The following ECT2L variants were observed in gnomAD, a reference collection of about 807,000 sequenced individuals.
ECT2L encodes the protein epithelial cell-transforming sequence 2 oncogene-like.
In ECT2L, 126 loss-of-function variants were observed where a neutral mutation model predicts 122.8. The ratio of observed to expected loss-of-function variants is 1.03; its 90% CI spans 0.89 to 1.19. The LOEUF is 1.19. Among genes scored for constraint, ECT2L ranks in the 50% most tolerant of loss-of-function variants. ECT2L has a pLI of 0.00. For missense variants in ECT2L, 1,012 were observed against 1,064.1 expected, an observed-to-expected ratio of 0.95 and a Z score of 0.68; for synonymous variants, 385 against 381.8, an observed-to-expected ratio of 1.01 and a Z score of -0.10.
chr6:138,816,782 G>A (rs1776083340), intron 4 of ECT2L, among the ~76,000 whole-genome samples: 1 of 152,176 alleles, frequency 6.6e-6, no homozygotes, highest in African/African-American at 2.4e-5. Context: ...GCCGCGCCCG[G>A]CCTAAACATC....
intron 20 of ECT2L, among the ~76,000 whole-genome samples, chr6:138,895,923 T>C (rs1779192064): frequency 6.6e-6 from 1 of 152,032 alleles, no homozygotes; most frequent in African/African-American, 2.4e-5. Flanking sequence ...AAATTTAAAA[T>C]AGAGATGAAG....
In ECT2L at chr6:138,862,668, G is replaced by A. The variant is rs1275915752; in HGVS notation, c.1240G>A (p.Gly414Ser). The stretch of plus-strand genomic sequence containing the variant: ...TCTTTCCCAGCTGTCTCAACTAACT[G>A]GCACGTTCTTTACGGCCCCCACTGG... ...EVLSQLSQLT[G>S]TFFTAPTGIA... Residue 414 changes from glycine to serine, a missense_variant, in exon 11 of 22, where the codon GGC becomes AGC. Gly to Ser is a moderately conservative substitution (Grantham distance 56). Coordinates refer to ENST00000541398, the MANE Select transcript of ECT2L (RefSeq NM_001077706.3). The A allele has an allele frequency of 6.2e-7, 1 of 1,614,192 alleles. No individual in the cohort carries two copies. Among genetic ancestry groups the A allele is most frequent in the East Asian group, 2.2e-5 (1 of 44,888 alleles).
chr6:138,842,696 C>T (rs1160211558), intron 5 of ECT2L, among the ~76,000 whole-genome samples: 4 of 151,830 alleles, frequency 2.6e-5, no homozygotes, highest in South Asian at 2.1e-4. Context: ...GGCATGAACC[C>T]GGGAGGCGGA....
At chr6:138,859,662 T>C (rs1245415595) in intron 10 of ECT2L, among the ~76,000 whole-genome samples, 5 of 152,200 alleles carry the variant, frequency 3.3e-5, no homozygotes, top group African/African-American at 1.2e-4. Flanking sequence ...TGTGCTTATT[T>C]GCCATTCTTT....
intron 1 of ECT2L, among the ~76,000 whole-genome samples, chr6:138,808,859 T>A (rs1775799464): frequency 6.6e-6 from 1 of 151,964 alleles, no homozygotes; most frequent in African/African-American, 2.4e-5. Flanking sequence ...CCCGACTAGC[T>A]GGGACTACAG....
chr6:138,811,998 A>G (rs1775918529), intron 1 of ECT2L, among the ~76,000 whole-genome samples: 1 of 152,166 alleles, frequency 6.6e-6, no homozygotes, highest in Admixed American at 6.5e-5. Flanking sequence ...TCAGTGAGCT[A>G]TGATTGCACC....
chr6:138,852,158 T>C (rs1369211393), intron 9 of ECT2L, among the ~76,000 whole-genome samples: 1 of 152,210 alleles, frequency 6.6e-6, no homozygotes, highest in Non-Finnish European at 1.5e-5. Flanking sequence ...CACACACCTC[T>C]GTAGTCCCAG....
intron 4 of ECT2L, among the ~76,000 whole-genome samples, chr6:138,835,769 T>G (rs897538683): frequency 2.0e-5 from 3 of 152,292 alleles, no homozygotes; most frequent in African/African-American, 2.4e-5. Context: ...ACATCCACCC[T>G]GCAGACTCCA....
At chr6:138,802,805 G>T (rs1375420044) in intron 1 of ECT2L, among the ~76,000 whole-genome samples, 1 of 152,086 alleles carries the variant, frequency 6.6e-6, no homozygotes, top group Non-Finnish European at 1.5e-5. Context: ...GGCAGTGCAA[G>T]GTGGCTCATG....
chr6:138,885,699 T>A lies in ECT2L; in HGVS notation c.2128T>A (p.Ser710Thr), dbSNP rs754030138. ...CCTGCCAGAGCTGCTGCTGTACCCA[T>A]CCCGAAGATTTGAAGAATACCTTAA... is the stretch of plus-strand genomic sequence containing the variant. ...LSLPELLLYP[S>T]RRFEEYLNLL... Residue 710 changes from serine to threonine, a missense_variant, in exon 18 of 22, where the codon TCC (serine) becomes ACC (threonine). Physicochemically the swap from Ser to Thr is moderately conservative, Grantham distance 58 (BLOSUM62 1). Transcript: ENST00000541398. The A allele has an allele frequency of 6.2e-7, 1 of 1,614,116 alleles. No individual in the cohort carries two copies. Among genetic ancestry groups the A allele is most frequent in the East Asian group, 2.2e-5 (1 of 44,872 alleles).
intron 4 of ECT2L, among the ~76,000 whole-genome samples, chr6:138,828,631 C>T (rs1046863019): frequency 1.3e-5 from 2 of 152,180 alleles, no homozygotes; most frequent in African/African-American, 2.4e-5. Context: ...CATACTACCT[C>T]GTCATTCCTT....
rs573130979 is a variant in ECT2L, at chr6:138,842,751, G to A, written c.343-228G>A. 2.8e-4 allele frequency among the ~76,000 whole-genome samples: 43 copies of A among 152,304 alleles called. 1 individual carries two copies. The highest frequency in any genetic ancestry group is 1.2e-3 in the Admixed American group (19 of 15,302). On this transcript the variant is annotated intron_variant, in intron 5 of 21. Transcript: ENST00000541398. ...CGTGCCACTGCACTCCAGCCTGGGC[G>A]ACAGAGTGAGACTCTGTCTCAAAAT...
At chr6:138,812,421 A>T (rs987123733) in intron 1 of ECT2L, among the ~76,000 whole-genome samples, 1 of 152,238 alleles carries the variant, frequency 6.6e-6, no homozygotes, top group Non-Finnish European at 1.5e-5. Context: ...AATAAATAAT[A>T]CATTAGCCTA....
At chr6:138,872,357 C>A (rs1778287015) in intron 13 of ECT2L, among the ~76,000 whole-genome samples, 1 of 152,230 alleles carries the variant, frequency 6.6e-6, no homozygotes, top group African/African-American at 2.4e-5. Flanking sequence ...GACTAGACAG[C>A]AAAGTAAGAC....
chr6:138,831,728 C>T (rs1373012679), intron 4 of ECT2L, among the ~76,000 whole-genome samples: 2 of 152,106 alleles, frequency 1.3e-5, no homozygotes, highest in Non-Finnish European at 2.9e-5. Flanking sequence ...TGTCATTTTT[C>T]TTTGTCTCAT....
At position 138,857,044 on chromosome 6, in the gene ECT2L, C is replaced by T. The variant is rs77361610; in HGVS notation, c.1198+2890C>T. The stretch of plus-strand genomic sequence containing the variant: ...TCTTACTTTTTATTCTCTGTCTTCC[C>T]TTCGCCCTGATGGAAGAAGCATCCC... On this transcript the variant is annotated intron_variant, in intron 10 of 21. Transcript: ENST00000541398. Among the ~76,000 whole-genome samples, 1,056 of 152,254 alleles carry T rather than the reference C, an allele frequency of 6.9e-3. 9 individuals carry two copies. The highest frequency in any genetic ancestry group is 0.037 in the Middle Eastern group (11 of 294).
At chr6:138,866,278 G>A (rs1044974059) in intron 12 of ECT2L, among the ~76,000 whole-genome samples, 3 of 152,038 alleles carry the variant, frequency 2.0e-5, no homozygotes, top group Admixed American at 2.0e-4. Context: ...CTCCTGAGTA[G>A]CTGGGATTAT....
intron 13 of ECT2L, among the ~76,000 whole-genome samples, chr6:138,872,193 T>G (rs188486708): frequency 6.6e-6 from 1 of 152,318 alleles, no homozygotes; most frequent in East Asian, 1.9e-4. Flanking sequence ...CTTTACAGGT[T>G]GAAGCCCTGC....
intron 1 of ECT2L, among the ~76,000 whole-genome samples, chr6:138,803,446 C>T (rs1775613077): frequency 6.6e-6 from 1 of 152,108 alleles, no homozygotes; most frequent in Non-Finnish European, 1.5e-5. Context: ...TCCCTTAACA[C>T]AGAGTATAAT....
Sources: allele counts gnomAD v4.1 joint callset (sites outside exome capture counted in the v4.1 genomes callset), GRCh38; gene constraint gnomAD v4.1.1; transcripts MANE v1.5; gene names NCBI Gene and HGNC (gene_info 2026-07-23, HGNC 2026-07-21).